The following SYT1 variants were observed in gnomAD, a reference collection of about 807,000 sequenced individuals.
SYT1 encodes the protein synaptotagmin-1.
Under a neutral mutation model 44.8 loss-of-function variants are expected in SYT1, and 8 were observed. The observed-to-expected ratio is 0.18, with a 90% CI of 0.10 to 0.32. The LOEUF is 0.32. Ranked by LOEUF, SYT1 falls within the 10% of genes least tolerant of loss-of-function variation. The probability of loss-of-function intolerance (pLI) is 1.00; values close to 1 mark genes in which losing one functional copy is unlikely to be tolerated. For missense variants in SYT1, 286 were observed against 509.3 expected (o/e 0.56, Z 4.22); for synonymous variants, 154 against 188.8 (o/e 0.82, Z 1.51).
At position 79,449,801 on chromosome 12, in the gene SYT1, T is replaced by C. The variant is rs999728429; in HGVS notation, c.*677T>C. 1 of 152,276 alleles carries C rather than the reference T, an allele frequency of 6.6e-6. No homozygotes were observed. Among genetic ancestry groups the C allele is most frequent in the African/African-American group, 2.4e-5 (1 of 41,460 alleles). 9.4% of individuals were successfully genotyped at this position (152,276 alleles called of 1,614,324 possible). ...AAGGAAGCATAGCCACAAAACAGAATAGCACCTGTCTGTACATATTTACAA... is the reference window on the plus strand; with the variant it reads ...AAGGAAGCATAGCCACAAAACAGAACAGCACCTGTCTGTACATATTTACAA... On this transcript the variant is annotated 3_prime_UTR_variant, in exon 11 of 11. Transcript: ENST00000261205.
chr12:79,079,785 C>G (rs1441219362), intron 3 of SYT1, among the ~76,000 whole-genome samples: 1 of 152,020 alleles, frequency 6.6e-6, no homozygotes, highest in Admixed American at 6.6e-5. Context: ...ATAAAATACA[C>G]TGAAGTGATA....
chr12:79,375,041 C>G (rs1474284941), intron 9 of SYT1, among the ~76,000 whole-genome samples: 2 of 152,070 alleles, frequency 1.3e-5, no homozygotes, highest in Admixed American at 1.3e-4. Context: ...TCTAATCAAA[C>G]TTTTTATTTA....
intron 4 of SYT1, among the ~76,000 whole-genome samples, chr12:79,274,727 C>T (rs1032883776): frequency 2.6e-5 from 4 of 152,156 alleles, no homozygotes; most frequent in African/African-American, 9.7e-5. Flanking sequence ...AATCCCACAG[C>T]CACAGCTGGC....
intron 9 of SYT1, among the ~76,000 whole-genome samples, chr12:79,443,694 G>C (rs1193234405): frequency 6.6e-6 from 1 of 152,216 alleles, no homozygotes; most frequent in South Asian, 2.1e-4. Context: ...GCTCACAAGA[G>C]TGAACGGTTA....
At chr12:79,025,864 T>C (rs1268042652) in intron 2 of SYT1, among the ~76,000 whole-genome samples, 1 of 151,614 alleles carries the variant, frequency 6.6e-6, no homozygotes, top group African/African-American at 2.4e-5. Flanking sequence ...GTTGGTAATA[T>C]TGACAACCTC....
intron 8 of SYT1, among the ~76,000 whole-genome samples, chr12:79,319,226 C>T (rs949324547): frequency 1.8e-4 from 27 of 152,142 alleles, no homozygotes; most frequent in African/African-American, 4.1e-4. Flanking sequence ...TGGAAAATCA[C>T]GTATAGTGCA....
At chr12:79,216,770 A>C (rs1874832989) in intron 3 of SYT1, among the ~76,000 whole-genome samples, 1 of 152,198 alleles carries the variant, frequency 6.6e-6, no homozygotes, top group African/African-American at 2.4e-5. Flanking sequence ...AGCTAAATAA[A>C]GTAAAATATC....
intron 3 of SYT1, among the ~76,000 whole-genome samples, chr12:79,097,368 C>T (rs571231394): frequency 6.6e-6 from 1 of 152,082 alleles, no homozygotes; most frequent in East Asian, 1.9e-4. Flanking sequence ...AGCATATATT[C>T]CTTGGTTTAA....
chr12:79,418,610 G>A (rs773981767), intron 9 of SYT1, among the ~76,000 whole-genome samples: 23 of 152,090 alleles, frequency 1.5e-4, no homozygotes, highest in Non-Finnish European at 3.1e-4. Context: ...AAAGAATGAA[G>A]AAAGAGCCAA....
At chr12:79,203,883 G>A (rs1311195557) in intron 3 of SYT1, among the ~76,000 whole-genome samples, 1 of 152,200 alleles carries the variant, frequency 6.6e-6, no homozygotes, top group Non-Finnish European at 1.5e-5. Context: ...GTACATGGCT[G>A]TATCCCCAGC....
chr12:79,132,914 T>TA (rs1446690995), intron 3 of SYT1, among the ~76,000 whole-genome samples: 1 of 152,004 alleles, frequency 6.6e-6, no homozygotes, highest in African/African-American at 2.4e-5. Flanking sequence ...TATATAGCCA[T>TA]AAAAAATAAT....
At chr12:79,134,681 AATT>A (rs1869066848) in intron 3 of SYT1, among the ~76,000 whole-genome samples, 1 of 152,160 alleles carries the variant, frequency 6.6e-6, no homozygotes, top group African/African-American at 2.4e-5. Flanking sequence ...GTAAGTATAA[AATT>A]ATTCTAAGCT....
chr12:79,152,464 C>A (rs1412436696), intron 3 of SYT1, among the ~76,000 whole-genome samples: 1 of 151,956 alleles, frequency 6.6e-6, no homozygotes, highest in Non-Finnish European at 1.5e-5. Flanking sequence ...AAGAAAAGTG[C>A]CAGCTATCAC....
At chr12:79,156,719 A>G (rs1870623003) in intron 3 of SYT1, among the ~76,000 whole-genome samples, 2 of 152,124 alleles carry the variant, frequency 1.3e-5, no homozygotes, top group Admixed American at 6.6e-5. Flanking sequence ...TGCCCGCCTC[A>G]GCCTCCCAAA....
chr12:79,025,100 T>C (rs1872441524), intron 2 of SYT1, among the ~76,000 whole-genome samples: 1 of 151,832 alleles, frequency 6.6e-6, no homozygotes, highest in Admixed American at 6.6e-5. Flanking sequence ...TACCAAGTGT[T>C]GATTTTATAT....
chr12:79,139,541 A>G (rs1294005361), intron 3 of SYT1, among the ~76,000 whole-genome samples: 5 of 152,240 alleles, frequency 3.3e-5, no homozygotes, highest in Non-Finnish European at 5.9e-5. Flanking sequence ...GCCTTGAAAA[A>G]AATACCCTAT....
intron 3 of SYT1, among the ~76,000 whole-genome samples, chr12:79,159,471 CAGAG>C (rs1435895301): frequency 1.3e-5 from 2 of 152,098 alleles, no homozygotes; most frequent in Non-Finnish European, 2.9e-5. Flanking sequence ...TATTTTGAGA[CAGAG>C]AGAGACAGAG....
intron 2 of SYT1, among the ~76,000 whole-genome samples, chr12:79,026,742 G>T (rs1254985681): frequency 7.4e-6 from 1 of 135,532 alleles, no homozygotes; most frequent in Non-Finnish European, 1.6e-5. Context: ...GGACACTTAG[G>T]TTGTTTCCAT....
chr12:79,355,096 G>T (rs992841370), intron 9 of SYT1, among the ~76,000 whole-genome samples: 4 of 152,116 alleles, frequency 2.6e-5, no homozygotes, highest in African/African-American at 9.7e-5. Context: ...ACCACGAGTT[G>T]TTCATCCCAG....
Sources: allele counts gnomAD v4.1 joint callset (sites outside exome capture counted in the v4.1 genomes callset), GRCh38; gene constraint gnomAD v4.1.1; transcripts MANE v1.5; gene names NCBI Gene and HGNC (gene_info 2026-07-23, HGNC 2026-07-21).